Variants in CMIP observed in about 807,000 individuals in gnomAD.
CMIP encodes the protein C-Maf-inducing protein.
A neutral mutation model predicts 97.3 loss-of-function variants in CMIP; 13 were observed. The ratio of observed to expected loss-of-function variants is 0.13; its 90% CI spans 0.09 to 0.21. The LOEUF is 0.21. CMIP is among the 10% of genes least tolerant of loss of function. The probability of loss-of-function intolerance (pLI) is 1.00; values close to 1 mark genes in which losing one functional copy is unlikely to be tolerated. For synonymous variants in CMIP, 538 were observed against 436.3 expected, an observed-to-expected ratio of 1.23 and a Z score of -2.91; for missense variants, 847 against 1,024.9, an observed-to-expected ratio of 0.83 and a Z score of 2.37.
intron 3 of CMIP, among the ~76,000 whole-genome samples, chr16:81,628,784 T>C (rs2092109792): frequency 6.6e-6 from 1 of 152,168 alleles, no homozygotes; most frequent in East Asian, 1.9e-4. Flanking sequence ...GTGTTGCTGG[T>C]GCCTGAGGCT....
At chr16:81,593,592 T>A (rs916402615) in intron 1 of CMIP, among the ~76,000 whole-genome samples, 1 of 152,226 alleles carries the variant, frequency 6.6e-6, no homozygotes, top group Non-Finnish European at 1.5e-5. Context: ...TGGCAAGCAT[T>A]TCAGCAAAGC....
At chr16:81,611,782 G>C (rs1394776068) in intron 2 of CMIP, among the ~76,000 whole-genome samples, 1 of 152,186 alleles carries the variant, frequency 6.6e-6, no homozygotes, top group East Asian at 1.9e-4. Flanking sequence ...TACTTTGTTA[G>C]AATTTGAATC....
intron 1 of CMIP, among the ~76,000 whole-genome samples, chr16:81,483,851 A>G (rs2089271983): frequency 6.6e-6 from 1 of 152,216 alleles, no homozygotes; most frequent in Non-Finnish European, 1.5e-5. Flanking sequence ...CTGTCCAGGC[A>G]GATAGTGGCG....
chr16:81,669,504 A>C (rs1597224102), intron 7 of CMIP, among the ~76,000 whole-genome samples: 4 of 72,494 alleles, frequency 5.5e-5, no homozygotes, highest in South Asian at 4.8e-4. Flanking sequence ...TTCCACATCC[A>C]CCTCACACCT....
At chr16:81,532,423 T>C (rs1036175593) in intron 1 of CMIP, among the ~76,000 whole-genome samples, 2 of 152,224 alleles carry the variant, frequency 1.3e-5, no homozygotes, top group African/African-American at 4.8e-5. Context: ...TGACCTTTCC[T>C]GCCAGGCCAA....
intron 2 of CMIP, among the ~76,000 whole-genome samples, chr16:81,608,603 T>C (rs1567607931): frequency 6.6e-6 from 1 of 151,636 alleles, no homozygotes. Context: ...ACCCTTGACC[T>C]CAGGCAAGGC....
At chr16:81,558,352 A>G (rs2090809771) in intron 1 of CMIP, among the ~76,000 whole-genome samples, 1 of 152,218 alleles carries the variant, frequency 6.6e-6, no homozygotes, top group Admixed American at 6.5e-5. Flanking sequence ...TACAGGTATC[A>G]CACACAGACC....
intron 1 of CMIP, among the ~76,000 whole-genome samples, chr16:81,479,175 C>T (rs910440557): frequency 1.3e-5 from 2 of 152,136 alleles, no homozygotes; most frequent in African/African-American, 2.4e-5. Context: ...AAAACACATG[C>T]GTAGCCTCCA....
chr16:81,585,651 T>C (rs2091369665), intron 1 of CMIP, among the ~76,000 whole-genome samples: 1 of 151,390 alleles, frequency 6.6e-6, no homozygotes, highest in African/African-American at 2.4e-5. Context: ...TCAGTACAAA[T>C]TTAACGGCAG....
At chr16:81,610,457 A>G in intron 2 of CMIP, 2 of 985,834 alleles carry the variant, frequency 2.0e-6, no homozygotes, top group Non-Finnish European at 2.4e-6. Context: ...GCGGCTTGCA[A>G]CTCCTCAGAT....
rs189763858 is a variant in CMIP at position 81,661,006 on chromosome 16, C to G, written c.744+60C>G. 1.1e-4 allele frequency: 169 copies of G among 1,603,024 alleles called. No homozygotes were observed. The African/African-American group carries it at 2.0e-3, about 19-fold the overall frequency. On this transcript the variant is annotated intron_variant, in intron 6 of 20. Transcript: ENST00000537098. ...GAAGTAACCTCCCTCTGTGCGCATA[C>G]CAGGGATTGGGTTTGCACAGAAAGG...
intron 19 of CMIP, 60 bp from the exon 20 acceptor site, chr16:81,706,954 C>G: frequency 2.7e-6 from 4 of 1,489,264 alleles, no homozygotes; most frequent in South Asian, 1.1e-5. Context: ...CTTGGCCATC[C>G]CATACCTTCA....
At chr16:81,643,369 C>A (rs2092328421) in intron 3 of CMIP, among the ~76,000 whole-genome samples, 1 of 152,114 alleles carries the variant, frequency 6.6e-6, no homozygotes, top group Non-Finnish European at 1.5e-5. Flanking sequence ...TGCCCAGGGG[C>A]TGGGGGAGAG....
chr16:81,633,499 C>T (rs766257560), intron 3 of CMIP, among the ~76,000 whole-genome samples: 21 of 152,204 alleles, frequency 1.4e-4, no homozygotes, highest in Admixed American at 4.6e-4. Flanking sequence ...GCGGGACAGC[C>T]GGCTAACTCT....
chr16:81,511,763 T>C (rs1310362003), intron 1 of CMIP, among the ~76,000 whole-genome samples: 2 of 152,190 alleles, frequency 1.3e-5, no homozygotes, highest in Non-Finnish European at 2.9e-5. Flanking sequence ...CGTTTCACCA[T>C]GTTGCCCAGG....
chr16:81,452,478 C>T (rs1249297158), intron 1 of CMIP, among the ~76,000 whole-genome samples: 1 of 152,118 alleles, frequency 6.6e-6, no homozygotes, highest in Non-Finnish European at 1.5e-5. Context: ...AGTGGACAAA[C>T]AACTAAGTTA....
chr16:81,672,682 C>T (rs2092693790), intron 9 of CMIP, among the ~76,000 whole-genome samples: 1 of 152,174 alleles, frequency 6.6e-6, no homozygotes, highest in Non-Finnish European at 1.5e-5. Context: ...CTCAAGCCGT[C>T]CTCCCACCTC....
chr16:81,664,658 A>C (rs1035903225), intron 7 of CMIP: 3 of 563,430 alleles, frequency 5.3e-6, no homozygotes, highest in Non-Finnish European at 9.4e-6. Flanking sequence ...GCCCTCAAGG[A>C]CCCAGAGCGC....
chr16:81,496,761 T>G (rs1333786506), intron 1 of CMIP, among the ~76,000 whole-genome samples: 1 of 152,202 alleles, frequency 6.6e-6, no homozygotes, highest in African/African-American at 2.4e-5. Flanking sequence ...GGAACACAGT[T>G]TGAAACCTGG....
Sources: gnomAD v4.1 joint callset for allele counts (sites outside exome capture counted in the v4.1 genomes callset) on GRCh38, gnomAD v4.1.1 for gene constraint, MANE v1.5 for transcripts, NCBI Gene and HGNC (gene_info 2026-07-23, HGNC 2026-07-21) for gene names.